Variants in WDR43 observed in about 807,000 individuals in gnomAD.
The protein encoded by WDR43 is WD repeat domain 43.
WDR43 carries 13 observed loss-of-function variants against 91.4 expected under a neutral mutation model. That is an observed-to-expected ratio of 0.14 (90% CI 0.09 to 0.23). WDR43 has a LOEUF of 0.23. Ranked by LOEUF, WDR43 falls within the 10% of genes least tolerant of loss-of-function variation. The pLI is 1.00. For missense variants in WDR43, 780 were observed against 809.4 expected (o/e 0.96, Z 0.44); for synonymous variants, 331 against 287.9 (o/e 1.15, Z -1.51).
intron 5 of WDR43, among the ~76,000 whole-genome samples, chr2:28,914,701 C>T (rs4666135): frequency 0.27 from 40,347 of 152,036 alleles, 6,528 homozygotes; most frequent in East Asian, 0.77. Context: ...GAGGCCGAGG[C>T]GGGCGGATCA....
chr2:28,927,646 C>G lies in WDR43; in HGVS notation c.1251C>G (p.Pro417=). 1.2e-6 allele frequency: 2 copies of G among 1,613,814 alleles called. No homozygotes were observed. Among genetic ancestry groups the G allele is most frequent in the Non-Finnish European group, 1.7e-6 (2 of 1,179,828 alleles). ...CTGGTCATCATGCAGCTATCAAGCCCGCTCCTCCACAAACCGAGCAAGTAG... is the reference window on the plus strand; with the variant it reads ...CTGGTCATCATGCAGCTATCAAGCCGGCTCCTCCACAAACCGAGCAAGTAG... ...GIPGHHAAIK[P]APPQTEQVES... is the part of the protein sequence containing the mutation. The change falls in exon 10 of 18, where the codon CCC becomes CCG. Residue 417 remains proline, a synonymous_variant. Coordinates refer to ENST00000407426, the MANE Select transcript of WDR43 (RefSeq NM_015131.3).
intron 6 of WDR43, among the ~76,000 whole-genome samples, chr2:28,920,439 G>T (rs1194800123): frequency 6.6e-6 from 1 of 151,462 alleles, no homozygotes; most frequent in Non-Finnish European, 1.5e-5. Flanking sequence ...TGTTGGGAAG[G>T]CTGGTCTTGA....
At chr2:28,941,632 G>T in intron 15 of WDR43, 58 bp downstream of exon 15, 2 of 1,289,992 alleles carry the variant, frequency 1.6e-6, no homozygotes, top group Non-Finnish European at 2.2e-6. Context: ...AATGGAGAGA[G>T]GAATAAGGAT....
At chr2:28,917,625 A>G (rs575381159) in intron 5 of WDR43, among the ~76,000 whole-genome samples, 19 of 152,360 alleles carry the variant, frequency 1.2e-4, no homozygotes, top group African/African-American at 3.4e-4. Flanking sequence ...ATAGACAGAC[A>G]GATCAATAGA....
At chr2:28,924,525 G>A (rs1255526262) in intron 7 of WDR43, among the ~76,000 whole-genome samples, 1 of 152,156 alleles carries the variant, frequency 6.6e-6, no homozygotes, top group Non-Finnish European at 1.5e-5. Flanking sequence ...GGACAAGCCA[G>A]GGTAGAGGAA....
rs1359219372 is a variant in WDR43, at chr2:28,924,966, C to T, written c.915-16C>T. On this transcript the variant is annotated splice_polypyrimidine_tract_variant and intron_variant, in intron 7 of 17. Transcript: ENST00000407426. ...TTTTTCAAATTCTTTAATCTCATTT[C>T]CCCCTCCATTTCCAGGTACTGCAAA... 5.0e-6 allele frequency: 8 copies of T among 1,601,108 alleles called. No homozygotes were observed. The South Asian group carries it at 6.7e-5, about 13-fold the overall frequency.
At chr2:28,945,196 T>A (rs1671523197) in intron 16 of WDR43, among the ~76,000 whole-genome samples, 1 of 152,168 alleles carries the variant, frequency 6.6e-6, no homozygotes, top group African/African-American at 2.4e-5. Flanking sequence ...ATTTATTTTC[T>A]TAAGAAAAAG....
At chr2:28,914,977 A>G (rs966198902) in intron 5 of WDR43, among the ~76,000 whole-genome samples, 2 of 152,070 alleles carry the variant, frequency 1.3e-5, no homozygotes, top group Non-Finnish European at 2.9e-5. Context: ...TTTTTAAAGA[A>G]ATTTCCTGGA....
intron 7 of WDR43, 50 bp downstream of exon 7, chr2:28,923,033 T>C (rs1263386850): frequency 6.6e-7 from 1 of 1,508,982 alleles, no homozygotes; most frequent in Non-Finnish European, 9.1e-7. Flanking sequence ...CCCTGACTTG[T>C]TACTTGGTCA....
chr2:28,907,599 C>T (rs1302277625), intron 3 of WDR43, among the ~76,000 whole-genome samples: 2 of 148,334 alleles, frequency 1.3e-5, no homozygotes, highest in East Asian at 4.0e-4. Flanking sequence ...GGTGATGGAG[C>T]AAGACGCTGT....
At chr2:28,923,103 A>G (rs1198695301) in intron 7 of WDR43, 120 bp downstream of exon 7, 3 of 835,758 alleles carry the variant, frequency 3.6e-6, no homozygotes, top group Non-Finnish European at 5.4e-6. Context: ...TTTTGAAAGC[A>G]TTTTTCTTTA....
At chr2:28,928,583 A>G (rs935873200) in intron 10 of WDR43, among the ~76,000 whole-genome samples, 10 of 152,172 alleles carry the variant, frequency 6.6e-5, no homozygotes, top group African/African-American at 2.2e-4. Flanking sequence ...TCATAAAACA[A>G]ATTTCTTTTT....
Position 28,902,095 on chromosome 2 carries a change from G to A in WDR43, c.334G>A (p.Val112Ile). ...TGGTAGCATTTTATTATACAGCACA[G>A]TAAAAGGAGAGTTACACAGTAAATT... ...AVGSILLYST[V>I]KGELHSKLIS... Residue 112 changes from valine to isoleucine, a missense_variant, in exon 2 of 18, where the codon GTA (valine) becomes ATA (isoleucine). By Grantham distance (29) the Val-to-Ile change is conservative. Transcript: ENST00000407426. 1.3e-6 allele frequency: 2 copies of A among 1,594,160 alleles called. No homozygotes were observed. Among genetic ancestry groups the A allele is most frequent in the Non-Finnish European group, 1.7e-6 (2 of 1,170,466 alleles).
Position 28,937,926 on chromosome 2 carries a change from TC to T in WDR43, c.1557-3del. 3 of 1,612,232 alleles carry T rather than the reference TC, an allele frequency of 1.9e-6. No individual in the cohort carries two copies. Among genetic ancestry groups the T allele is most frequent in the Non-Finnish European group, 2.5e-6 (3 of 1,178,438 alleles). On this transcript the variant is annotated splice_region_variant and splice_polypyrimidine_tract_variant and intron_variant, in intron 13 of 17. Coordinates refer to ENST00000407426, the MANE Select transcript of WDR43 (RefSeq NM_015131.3). ...ACATTAGTTTACTTGGATTTTTTTT[TC>T]CAGTGCTGTGCTAATGGTTCAGTGG...
chr2:28,937,421 A>AT (rs1275635975), intron 13 of WDR43, among the ~76,000 whole-genome samples: 2 of 121,070 alleles, frequency 1.7e-5, no homozygotes, highest in African/African-American at 6.1e-5. Context: ...TTTCTTTAAA[A>AT]ATTTTTTTTC....
intron 7 of WDR43, 113 bp from the exon 8 acceptor site, chr2:28,924,869 G>C: frequency 1.6e-6 from 2 of 1,258,758 alleles, no homozygotes; most frequent in Non-Finnish European, 2.2e-6. Context: ...GACTCCTGAT[G>C]GCAGTATAGA....
Position 28,914,150 on chromosome 2 carries a change from G to A in WDR43, c.688G>A (p.Gly230Arg), listed in dbSNP as rs574329793. 6.2e-7 allele frequency: 1 copy of A among 1,613,904 alleles called. No homozygotes were observed. Among genetic ancestry groups the A allele is most frequent in the African/African-American group, 1.3e-5 (1 of 75,020 alleles). ...RPPNESQPFD[G>R]ITGLYFLSGA... ...TCCTAATGAGAGCCAGCCCTTTGAT[G>A]GAATTACAGGTCTTTATTTCTTATC... Residue 230 changes from glycine (G) to arginine (R), a missense_variant, in exon 5 of 18, where the codon GGA becomes AGA. By Grantham distance (125) the Gly-to-Arg change is moderately radical. This residue lies in a region of WDR43 where 174 missense variants were observed against 207.3 expected (regional missense o/e 0.84). Transcript: ENST00000407426.
intron 6 of WDR43, 118 bp from the exon 7 acceptor site, chr2:28,922,801 T>TTTG: frequency 2.5e-6 from 1 of 395,056 alleles, no homozygotes; most frequent in Non-Finnish European, 4.2e-6. Context: ...TGCTGTGTTT[T>TTTG]TTTTTTTTTT....
intron 16 of WDR43, among the ~76,000 whole-genome samples, chr2:28,942,779 C>G (rs1339996149): frequency 6.6e-6 from 1 of 151,872 alleles, no homozygotes. Flanking sequence ...CCATGCCCGG[C>G]CAACTTTGGT....
Sources: allele counts gnomAD v4.1 joint callset (sites outside exome capture counted in the v4.1 genomes callset), GRCh38; gene constraint gnomAD v4.1.1; regional missense constraint gnomAD v4.1.1; transcripts MANE v1.5; gene names NCBI Gene and HGNC (gene_info 2026-07-23, HGNC 2026-07-21).